Variants in NAV2 observed in about 807,000 individuals in gnomAD.
The protein encoded by NAV2 is helicase, APC down-regulated 1.
Under a neutral mutation model 223.2 loss-of-function variants are expected in NAV2, and 54 were observed. The ratio of observed to expected loss-of-function variants is 0.24; its 90% CI spans 0.19 to 0.30. The LOEUF (loss-of-function observed/expected upper bound fraction) is 0.30, where lower values mean the gene tolerates loss of function less well. Among genes scored for constraint, NAV2 ranks in the 10% least tolerant of loss-of-function variants. NAV2 has a pLI of 1.00. For synonymous variants in NAV2, 1,279 were observed against 1,239.3 expected, an observed-to-expected ratio of 1.03 and a Z score of -0.67; for missense variants, 2,806 against 3,147.5, an observed-to-expected ratio of 0.89 and a Z score of 2.60.
At chr11:19,379,987 T>C (rs1848780686) in intron 1 of NAV2, among the ~76,000 whole-genome samples, 1 of 151,694 alleles carries the variant, frequency 6.6e-6, no homozygotes, top group African/African-American at 2.4e-5. Context: ...ATAATAAAAT[T>C]ATATAATTAA....
In NAV2 at chr11:19,742,949, T is replaced by A. The variant is rs2052984668; in HGVS notation, c.267+28987T>A. ...GACTTCTGTAGTGTCTTATTAAAGATGTCAAAGTTTGTAGCATCCTGGGAA... is the reference window on the plus strand; with the variant it reads ...GACTTCTGTAGTGTCTTATTAAAGAAGTCAAAGTTTGTAGCATCCTGGGAA... On this transcript the variant is annotated intron_variant, in intron 1 of 37. Coordinates refer to ENST00000349880, the MANE Select transcript of NAV2 (RefSeq NM_145117.5). 2.0e-5 allele frequency among the ~76,000 whole-genome samples: 3 copies of A among 152,230 alleles called. No individual in the cohort carries two copies. The South Asian group carries it at 6.2e-4, about 32-fold the overall frequency.
chr11:19,516,214 A>G (rs2043442043), intron 1 of NAV2, among the ~76,000 whole-genome samples: 1 of 152,348 alleles, frequency 6.6e-6, no homozygotes, highest in South Asian at 2.1e-4. Context: ...CTTCTACCAC[A>G]TGATGGGGAT....
chr11:20,110,614 G>A (rs574843077), intron 36 of NAV2, among the ~76,000 whole-genome samples: 96 of 152,234 alleles, frequency 6.3e-4, no homozygotes, highest in Admixed American at 1.4e-3. Flanking sequence ...TTATTTTCAG[G>A]CTATCCTGAG....
At chr11:20,062,251 C>G (rs2058751670) in intron 19 of NAV2, 56 bp from the exon 20 acceptor site, 12 of 1,353,900 alleles carry the variant, frequency 8.9e-6, no homozygotes, top group African/African-American at 2.9e-5. Context: ...CCCCTGTCCC[C>G]TTTTTGGTTC....
intron 11 of NAV2, among the ~76,000 whole-genome samples, chr11:20,019,994 T>TA (rs763255071): frequency 0.039 from 5,173 of 133,952 alleles, 140 homozygotes; most frequent in Non-Finnish European, 0.06. Context: ...GGGCATGAGG[T>TA]AAAAAAAAAA....
intron 10 of NAV2, among the ~76,000 whole-genome samples, chr11:19,955,594 A>T (rs911745618): frequency 5.3e-5 from 8 of 152,182 alleles, no homozygotes; most frequent in African/African-American, 1.9e-4. Flanking sequence ...AAAAAGAGAG[A>T]ACTAGGGGCA....
intron 1 of NAV2, among the ~76,000 whole-genome samples, chr11:19,629,182 A>G (rs1337878871): frequency 6.6e-6 from 1 of 151,530 alleles, no homozygotes; most frequent in African/African-American, 2.4e-5. Flanking sequence ...CTCTCCCACC[A>G]TTTCTGAGCC....
intron 1 of NAV2, among the ~76,000 whole-genome samples, chr11:19,742,171 C>T (rs1254470062): frequency 6.6e-6 from 1 of 152,220 alleles, no homozygotes; most frequent in East Asian, 1.9e-4. Flanking sequence ...TATACTCCAG[C>T]CCAACCAAAC....
At chr11:19,612,131 T>C (rs1425797279) in intron 1 of NAV2, among the ~76,000 whole-genome samples, 2 of 152,218 alleles carry the variant, frequency 1.3e-5, no homozygotes, top group African/African-American at 4.8e-5. Flanking sequence ...AAGCTCTACA[T>C]TGGCCCCTTT....
intron 11 of NAV2, among the ~76,000 whole-genome samples, chr11:19,993,521 T>A (rs2051549403): frequency 6.6e-6 from 1 of 152,226 alleles, no homozygotes; most frequent in Non-Finnish European, 1.5e-5. Flanking sequence ...TGAACTGCAC[T>A]AATGACTATC....
chr11:19,880,198 T>C, intron 5 of NAV2, 71 bp downstream of exon 5: 1 of 1,463,254 alleles, frequency 6.8e-7, no homozygotes, highest in Non-Finnish European at 9.0e-7. Context: ...ATCTCTAGGC[T>C]ATCCTGTATG....
intron 1 of NAV2, among the ~76,000 whole-genome samples, chr11:19,400,182 C>T (rs567424390): frequency 6.6e-6 from 1 of 152,128 alleles, no homozygotes; most frequent in Non-Finnish European, 1.5e-5. Context: ...CAGAGACAAA[C>T]CTTATAAGCT....
chr11:19,392,388 T>TTG (rs1178888453), intron 1 of NAV2, among the ~76,000 whole-genome samples: 4 of 151,732 alleles, frequency 2.6e-5, no homozygotes, highest in Non-Finnish European at 5.9e-5. Context: ...GGGTGATTTT[T>TTG]TTTTTTCTGC....
At chr11:19,683,603 G>A (rs772484761) in intron 1 of NAV2, among the ~76,000 whole-genome samples, 1 of 152,276 alleles carries the variant, frequency 6.6e-6, no homozygotes, top group African/African-American at 2.4e-5. Context: ...CCTTGGCAAG[G>A]ATTTGGATAG....
At chr11:19,440,761 G>A (rs1225560365) in intron 1 of NAV2, among the ~76,000 whole-genome samples, 1 of 152,134 alleles carries the variant, frequency 6.6e-6, no homozygotes, top group Non-Finnish European at 1.5e-5. Flanking sequence ...GTGAACTCTA[G>A]GTGATTGACT....
chr11:19,737,343 C>T (rs2052413224), intron 1 of NAV2, among the ~76,000 whole-genome samples: 4 of 152,182 alleles, frequency 2.6e-5, no homozygotes, highest in African/African-American at 7.2e-5. Flanking sequence ...TGCTATGCAT[C>T]GTGGGGAGTT....
chr11:19,408,825 G>GAGCA (rs1564913846), intron 1 of NAV2, among the ~76,000 whole-genome samples: 1 of 131,150 alleles, frequency 7.6e-6, no homozygotes, highest in African/African-American at 2.8e-5. Flanking sequence ...CTGGCGGGGT[G>GAGCA]GGGGGATGTT....
intron 1 of NAV2, among the ~76,000 whole-genome samples, chr11:19,753,941 G>T (rs185014777): frequency 1.4e-4 from 21 of 152,206 alleles, no homozygotes; most frequent in African/African-American, 4.8e-5. Context: ...GTGGGTGGAG[G>T]TTTTGGTAAT....
upstream of NAV2, among the ~76,000 whole-genome samples, chr11:19,346,490 C>A (rs778744593): frequency 6.6e-6 from 1 of 152,238 alleles, no homozygotes; most frequent in Non-Finnish European, 1.5e-5. Context: ...AGCCGCGGTG[C>A]CTCCCGGGTG....
Sources: allele counts gnomAD v4.1 joint callset (sites outside exome capture counted in the v4.1 genomes callset), GRCh38; gene constraint gnomAD v4.1.1; transcripts MANE v1.5; gene names NCBI Gene and HGNC (gene_info 2026-07-23, HGNC 2026-07-21).